ADGRA2: variants seen among roughly 807,000 people sequenced by gnomAD.
The protein encoded by ADGRA2 is G-protein coupled receptor 124.
Under a neutral mutation model 98.7 loss-of-function variants are expected in ADGRA2, and 61 were observed. That is an observed-to-expected ratio of 0.62 (90% CI 0.50 to 0.76). The LOEUF (loss-of-function observed/expected upper bound fraction) is 0.76, where lower values mean the gene tolerates loss of function less well. Among genes scored for constraint, ADGRA2 ranks in the 30% least tolerant of loss-of-function variants. The probability of loss-of-function intolerance (pLI) is 0.00; values close to 1 mark genes in which losing one functional copy is unlikely to be tolerated. For missense variants in ADGRA2, 1,712 were observed against 1,860.0 expected, an observed-to-expected ratio of 0.92 and a Z score of 1.46; for synonymous variants, 858 against 831.5, an observed-to-expected ratio of 1.03 and a Z score of -0.55.
At chr8:37,840,729 T>C (rs1440075306) in intron 17 of ADGRA2, 31 bp from the exon 18 acceptor site, 2 of 1,190,576 alleles carry the variant, frequency 1.7e-6, no homozygotes, top group East Asian at 4.7e-5. Flanking sequence ...TTTCCCCATC[T>C]CTGGGACCCC....
chr8:37,797,518 A>G lies in ADGRA2; in HGVS notation c.250A>G (p.Asn84Asp), dbSNP rs1223317949. The G allele has an allele frequency of 7.1e-7, 1 of 1,402,528 alleles. No homozygotes were observed. The highest frequency in any genetic ancestry group is 1.8e-5 in the South Asian group (1 of 56,172). The allele number at this position is 1,402,528 out of a possible 1,614,324, so 86.9% of individuals were successfully genotyped here. The change falls in exon 1 of 19, where the codon AAC (asparagine) becomes GAC (aspartate). Residue 84 changes from asparagine (N) to aspartate (D), a missense_variant. By Grantham distance (23) the Asn-to-Asp change is conservative. Coordinates refer to ENST00000412232, the MANE Select transcript of ADGRA2 (RefSeq NM_032777.10). The surrounding 1 kb of genome is among the most constrained non-coding windows in gnomAD (Gnocchi z 5.3). ...PEPPEPGLLP[N>D]GTVTLLLSNN... ...GCCTCCCGAGCCCGGCCTTCTGCCT[A>G]ACGGCACCGTTACCCTGTGAGTACC...
rs1188260710 is a variant in ADGRA2, at chr8:37,835,734, C to T, written c.2014C>T (p.Arg672Cys). 3.7e-6 allele frequency: 6 copies of T among 1,613,276 alleles called. No individual in the cohort carries two copies. Among genetic ancestry groups the T allele is most frequent in the African/African-American group, 2.7e-5 (2 of 74,892 alleles). Residue 672 changes from arginine to cysteine, a missense_variant, in exon 13 of 19, where the codon CGT becomes TGT. Physicochemically the swap from Arg to Cys is radical, Grantham distance 180 (BLOSUM62 -3). Transcript: ENST00000412232. ...TGGAGCTGCTGGGCCTGGCAAGAGGCGTGGCGTGGCCACCCCCGTCATCTT... is the reference window on the plus strand; with the variant it reads ...TGGAGCTGCTGGGCCTGGCAAGAGGTGTGGCGTGGCCACCCCCGTCATCTT... ...RPGAAGPGKRRGVATPVIFAG... is the reference protein window; with the variant it reads ...RPGAAGPGKRCGVATPVIFAG...
chr8:37,797,159 C>T lies in ADGRA2; in HGVS notation c.-110C>T. 1 of 858,912 alleles carries T rather than the reference C, an allele frequency of 1.2e-6. No individual in the cohort carries two copies. The highest frequency in any genetic ancestry group is 4.8e-5 in the Admixed American group (1 of 21,006). The allele number at this position is 858,912 out of a possible 1,614,324, so 53.2% of individuals were successfully genotyped here. On this transcript the variant is annotated 5_prime_UTR_variant, in exon 1 of 19. Coordinates refer to ENST00000412232, the MANE Select transcript of ADGRA2 (RefSeq NM_032777.10). The surrounding 1 kb of genome is among the most constrained non-coding windows in gnomAD (Gnocchi z 5.3). The stretch of plus-strand genomic sequence containing the variant: ...CCTCCGCCCAGGGCCCCCCTCCACG[C>T]CCTCGGGAGCCCCGGGCCCCCGCTG...
intron 8 of ADGRA2, among the ~76,000 whole-genome samples, chr8:37,832,071 A>G (rs1169864924): frequency 6.6e-6 from 1 of 151,950 alleles, no homozygotes; most frequent in Non-Finnish European, 1.5e-5. Flanking sequence ...CATCTCAAAA[A>G]CAAACAAACA....
At chr8:37,806,118 T>C (rs1233721493) in intron 1 of ADGRA2, among the ~76,000 whole-genome samples, 1 of 152,146 alleles carries the variant, frequency 6.6e-6, no homozygotes, top group Non-Finnish European at 1.5e-5. Flanking sequence ...TTTCCCAGCC[T>C]CCACAAATCA....
chr8:37,823,232 C>T lies in ADGRA2; in HGVS notation c.339-5656C>T, dbSNP rs116768062. 6.6e-3 allele frequency among the ~76,000 whole-genome samples: 968 copies of T among 145,658 alleles called. 10 individuals are homozygous for T. The highest frequency in any genetic ancestry group is 0.024 in the African/African-American group (921 of 39,114). On this transcript the variant is annotated intron_variant, in intron 2 of 18. Transcript: ENST00000412232. ...TTTGACAGACAGGGTCTCACTCTGGCGCCAGGCTAGAGTGCTAGAGTGCAG... is the reference window on the plus strand; with the variant it reads ...TTTGACAGACAGGGTCTCACTCTGGTGCCAGGCTAGAGTGCTAGAGTGCAG...
rs905811713 is a variant in ADGRA2, at chr8:37,837,683, C to T, written c.2051-48C>T. On this transcript the variant is annotated intron_variant, in intron 13 of 18. Transcript: ENST00000412232. ...TGCTGAGTCCCGGCTGAGCCCACCT[C>T]CCTGACACCCTGTGTGTGTCTGTGT... 5.4e-6 allele frequency: 8 copies of T among 1,485,278 alleles called. No homozygotes were observed. In the East Asian group the frequency reaches 7.4e-5, roughly 14 times the overall value. The allele number at this position is 1,485,278 out of a possible 1,614,324, so 92.0% of individuals were successfully genotyped here. A position where few individuals can be genotyped will look rare whatever the true frequency, so the allele number is the denominator to read the frequency against.
chr8:37,825,545 G>A (rs894397753), intron 2 of ADGRA2, among the ~76,000 whole-genome samples: 10 of 152,090 alleles, frequency 6.6e-5, no homozygotes, highest in Admixed American at 2.6e-4. Flanking sequence ...CACCGCACCC[G>A]GCCGGGGCTT....
chr8:37,829,319 A>G lies in ADGRA2; in HGVS notation c.469A>G (p.Arg157Gly), dbSNP rs1335119235. 3.1e-6 allele frequency: 5 copies of G among 1,612,014 alleles called. No homozygotes were observed. The highest frequency in any genetic ancestry group is 4.2e-6 in the Non-Finnish European group (5 of 1,179,152). The change falls in exon 4 of 19, where the codon AGG (arginine) becomes GGG (glycine). Residue 157 changes from arginine (R) to glycine (G), a missense_variant. Physicochemically the swap from Arg to Gly is moderately radical, Grantham distance 125. Transcript: ENST00000412232. ...CTCCGAGACCTTCCAGGGCCTCCCC[A>G]GGCTTCTCCGACTGTAAGTGATGGG... ...LTSETFQGLP[R>G]LLRLNISGNI...
At position 37,833,710 on chromosome 8, in the gene ADGRA2, C is replaced by T. The variant is rs750027952; in HGVS notation, c.1319C>T (p.Ala440Val). The T allele has an allele frequency of 9.9e-6, 16 of 1,614,038 alleles. No homozygotes were observed. The highest frequency in any genetic ancestry group is 1.1e-5 in the Non-Finnish European group (13 of 1,180,000). ...CAGATGCCCATCAATGCCTCCAATG[C>T]GCTGACCCTGGCTCACCAGCTGCGC... is the stretch of plus-strand genomic sequence containing the variant. ...FVLMPINASN[A>V]LTLAHQLRVY... Residue 440 changes from alanine to valine, a missense_variant, in exon 10 of 19, where the codon GCG becomes GTG. Transcript: ENST00000412232.
Position 37,802,061 on chromosome 8 carries a change from T to A in ADGRA2, c.266+4527T>A, listed in dbSNP as rs1465102886. On this transcript the variant is annotated intron_variant, in intron 1 of 18. Coordinates refer to ENST00000412232, the MANE Select transcript of ADGRA2 (RefSeq NM_032777.10). This position sits in a 1 kb window ranked among gnomAD's most constrained non-coding sequence, Gnocchi z 4.7. ...GGGAGAAGAGGCTGTCTGCCGCAGG[T>A]GTGCCTAGCACGGGCTGGGTTCTTC... Among the ~76,000 whole-genome samples the A allele has an allele frequency of 2.6e-5, 4 of 152,220 alleles. No homozygotes were observed. Among genetic ancestry groups the A allele is most frequent in the Non-Finnish European group, 1.5e-5 (1 of 68,036 alleles).
In ADGRA2 at chr8:37,842,570, G is replaced by A; in HGVS notation, c.*215G>A. The stretch of plus-strand genomic sequence containing the variant: ...AACACGCATAATACATTTCCGTCCA[G>A]CCCGGGGCAGTCTGACTGTCGGTGC... On this transcript the variant is annotated 3_prime_UTR_variant, in exon 19 of 19. Transcript: ENST00000412232. The A allele has an allele frequency of 1.3e-6, 1 of 789,334 alleles. No individual in the cohort carries two copies. Among genetic ancestry groups the A allele is most frequent in the Non-Finnish European group, 1.8e-6 (1 of 568,820 alleles). 48.9% of individuals were successfully genotyped at this position (789,334 alleles called of 1,614,324 possible).
Position 37,830,848 on chromosome 8 carries a change from C to T in ADGRA2, c.857C>T (p.Ala286Val), listed in dbSNP as rs1187271703. 2.5e-6 allele frequency: 4 copies of T among 1,593,508 alleles called. No individual in the cohort carries two copies. The highest frequency in any genetic ancestry group is 3.4e-6 in the Non-Finnish European group (4 of 1,170,196). Residue 286 changes from alanine (A) to valine (V), a missense_variant, in exon 7 of 19, where the codon GCC (alanine) becomes GTC (valine). Transcript: ENST00000412232. The surrounding 1 kb of genome is among the most constrained non-coding windows in gnomAD (Gnocchi z 4.8). ...DTRIRWYHNR[A>V]PVEGDEQAGI... ...CGCATCCGCTGGTACCACAACCGAG[C>T]CCCTGTGGAGGGTGATGAGCAGGCG...
intron 17 of ADGRA2, among the ~76,000 whole-genome samples, 166 bp from the exon 18 acceptor site, chr8:37,840,594 C>T (rs1008106011): frequency 6.6e-6 from 1 of 152,150 alleles, no homozygotes; most frequent in African/African-American, 2.4e-5. Flanking sequence ...CAGTCATGGC[C>T]AAGTCCAAGT....
chr8:37,838,974 AG>A lies in ADGRA2; in HGVS notation c.2281del (p.Glu761ArgfsTer49). Reference sequence around the variant, plus strand: ...TTCCCAGGAGCTGAGCGCCTTTCCCAGGGAGGTGGGGGGCGCCGGGGCAGGG... The same window carrying A: ...TTCCCAGGAGCTGAGCGCCTTTCCCAGGAGGTGGGGGGCGCCGGGGCAGGG... ...AVLMELSAFPREVGGAGAGLH... is the reference protein window; with the variant it reads ...AVLMELSAFPXEVGGAGAGLH... On this transcript the variant is annotated frameshift_variant, in exon 15 of 19. Transcript: ENST00000412232. LOFTEE classifies it high-confidence loss of function. 1 of 1,573,712 alleles carries A rather than the reference AG, an allele frequency of 6.4e-7. No homozygotes were observed. The highest frequency in any genetic ancestry group is 8.6e-7 in the Non-Finnish European group (1 of 1,160,686).
intron 2 of ADGRA2, among the ~76,000 whole-genome samples, chr8:37,828,373 G>A (rs1805343831): frequency 6.6e-6 from 1 of 152,104 alleles, no homozygotes; most frequent in Non-Finnish European, 1.5e-5. Context: ...TGTTGTCTGA[G>A]GCCCTTGTGA....
Position 37,833,812 on chromosome 8 carries a change from T to G in ADGRA2, c.1421T>G (p.Leu474Trp), listed in dbSNP as rs141849061. ...VYVAQMIQKF[L>W]GYVDQIKELV... ...GTGGCTCAGATGATCCAGAAATTTT[T>G]GGGTTATGTCGACCAGATCAAAGAG... The change falls in exon 10 of 19, where the codon TTG becomes TGG. Residue 474 changes from leucine (L) to tryptophan (W), a missense_variant. Physicochemically the swap from Leu to Trp is moderately conservative, Grantham distance 61 (BLOSUM62 -2). Transcript: ENST00000412232. 391 of 1,614,200 alleles carry G rather than the reference T, an allele frequency of 2.4e-4. 2 individuals are homozygous for G. In the East Asian group the frequency reaches 8.0e-3, roughly 33 times the overall value.
intron 2 of ADGRA2, among the ~76,000 whole-genome samples, chr8:37,818,751 G>A (rs1805048627): frequency 6.6e-6 from 1 of 152,222 alleles, no homozygotes; most frequent in African/African-American, 2.4e-5. Context: ...GCAAATAGGT[G>A]TGTGGTGTGT....
chr8:37,843,749 A>G lies in ADGRA2; in HGVS notation c.*1394A>G, dbSNP rs1026202141. 1 of 152,644 alleles carries G rather than the reference A, an allele frequency of 6.6e-6. No homozygotes were observed. Among genetic ancestry groups the G allele is most frequent in the African/African-American group, 2.4e-5 (1 of 41,436 alleles). 9.5% of individuals were successfully genotyped at this position (152,644 alleles called of 1,614,324 possible). On this transcript the variant is annotated 3_prime_UTR_variant, in exon 19 of 19. Transcript: ENST00000412232. ...TGCACAGACATATTAGAAGAAAAAA[A>G]AAAGCTTTGTATTATTCTTCCACAT...
Sources: gnomAD v4.1 joint callset for allele counts (sites outside exome capture counted in the v4.1 genomes callset) on GRCh38, gnomAD v4.1.1 for gene constraint, Gnocchi (gnomAD v3.1) non-coding constraint, MANE v1.5 for transcripts, NCBI Gene and HGNC (gene_info 2026-07-23, HGNC 2026-07-21) for gene names.